Variants in NPAS3 observed in about 807,000 individuals in gnomAD.
The protein encoded by NPAS3 is neuronal PAS domain-containing protein 3.
NPAS3 carries 14 observed loss-of-function variants against 73.1 expected under a neutral mutation model. The ratio of observed to expected loss-of-function variants is 0.19; its 90% confidence interval spans 0.13 to 0.30. The LOEUF (loss-of-function observed/expected upper bound fraction) is 0.30, where lower values mean the gene tolerates loss of function less well. NPAS3 is among the 10% of genes least tolerant of loss of function. The pLI, the probability that NPAS3 is intolerant of heterozygous loss-of-function variation, is 1.00. For synonymous variants in NPAS3, 620 were observed against 541.5 expected, an observed-to-expected ratio of 1.14 and a Z score of -2.01; for missense variants, 1,096 against 1,250.0, an observed-to-expected ratio of 0.88 and a Z score of 1.86.
At chr14:33,495,944 T>C (rs552808499) in intron 4 of NPAS3, among the ~76,000 whole-genome samples, 54 of 152,120 alleles carry the variant, frequency 3.5e-4, no homozygotes, top group Non-Finnish European at 4.9e-4. Flanking sequence ...ACAAAATAGA[T>C]AGACTGCTAG....
At chr14:33,491,870 T>G (rs977992917) in intron 4 of NPAS3, among the ~76,000 whole-genome samples, 7 of 152,156 alleles carry the variant, frequency 4.6e-5, no homozygotes, top group Middle Eastern at 3.2e-3. Context: ...GTTTTAATTA[T>G]CTCTGCTGAA....
chr14:33,270,572 G>T (rs905960566), intron 3 of NPAS3, among the ~76,000 whole-genome samples: 6 of 152,112 alleles, frequency 3.9e-5, no homozygotes, highest in Admixed American at 6.6e-5. Context: ...TCAAAATTCT[G>T]CTCTAGTATT....
At chr14:33,549,764 T>G (rs2055021181) in intron 4 of NPAS3, among the ~76,000 whole-genome samples, 1 of 152,176 alleles carries the variant, frequency 6.6e-6, no homozygotes, top group Non-Finnish European at 1.5e-5. Flanking sequence ...TTTTAGTTAG[T>G]TATACTTACC....
intron 6 of NPAS3, 69 bp downstream of exon 6, chr14:33,676,454 C>A: frequency 7.3e-7 from 1 of 1,365,028 alleles, no homozygotes; most frequent in Non-Finnish European, 9.8e-7. Flanking sequence ...GCTCAAGTTA[C>A]CCATGTGAAG....
intron 4 of NPAS3, among the ~76,000 whole-genome samples, chr14:33,478,799 T>C (rs8013396): frequency 0.3 from 45,800 of 152,136 alleles, 12,254 homozygotes; most frequent in African/African-American, 0.72. Context: ...ACATTATACT[T>C]GTGTTATCTT....
At chr14:33,705,929 T>C (rs2060644441) in intron 6 of NPAS3, among the ~76,000 whole-genome samples, 1 of 152,062 alleles carries the variant, frequency 6.6e-6, no homozygotes, top group South Asian at 2.1e-4. Flanking sequence ...TAATGAAAAA[T>C]AGCAAATGAA....
At chr14:33,384,857 A>AGACACTGTACAC (rs2046709091) in intron 4 of NPAS3, among the ~76,000 whole-genome samples, 2 of 152,194 alleles carry the variant, frequency 1.3e-5, no homozygotes, top group African/African-American at 4.8e-5. Context: ...CTAGTTGATG[A>AGACACTGTACAC]AGTTTGTATC....
At chr14:33,761,902 G>C (rs1256088400) in intron 7 of NPAS3, among the ~76,000 whole-genome samples, 1 of 152,104 alleles carries the variant, frequency 6.6e-6, no homozygotes, top group Non-Finnish European at 1.5e-5. Flanking sequence ...ATATTTTAAA[G>C]ACCCAGGAAG....
Position 33,212,872 on chromosome 14 carries a change from A to C in NPAS3, c.141-2310A>C, listed in dbSNP as rs1252602237. ...GAAAATTACCTATAACATCACGCGA[A>C]ACTACTTTTATAATTGTCTGTCCAA... On this transcript the variant is annotated intron_variant, in intron 2 of 11. Transcript: ENST00000356141. 3.3e-5 allele frequency among the ~76,000 whole-genome samples: 5 copies of C among 152,228 alleles called. No individual in the cohort carries two copies. The East Asian group carries it at 9.6e-4, about 29-fold the overall frequency.
At chr14:33,512,756 T>TC (rs1179437753) in intron 4 of NPAS3, among the ~76,000 whole-genome samples, 7 of 152,182 alleles carry the variant, frequency 4.6e-5, no homozygotes, top group Non-Finnish European at 7.4e-5. Flanking sequence ...GGAATTTATT[T>TC]CTCGTAGATG....
At chr14:33,029,208 C>T (rs1273901640) in intron 1 of NPAS3, among the ~76,000 whole-genome samples, 1 of 152,198 alleles carries the variant, frequency 6.6e-6, no homozygotes, top group Non-Finnish European at 1.5e-5. Flanking sequence ...GAAAGACTGG[C>T]ATGCCAGGTG....
intron 4 of NPAS3, among the ~76,000 whole-genome samples, chr14:33,406,849 G>A (rs2047689399): frequency 6.6e-6 from 1 of 152,010 alleles, no homozygotes; most frequent in African/African-American, 2.4e-5. Flanking sequence ...GTGCTTGGAG[G>A]GCAGACCCTT....
chr14:33,195,248 A>T (rs181050980), intron 2 of NPAS3, among the ~76,000 whole-genome samples: 29 of 152,144 alleles, frequency 1.9e-4, no homozygotes, highest in South Asian at 4.2e-4. Flanking sequence ...AAAAAAATTT[A>T]AAAAAGGGTT....
chr14:33,202,907 T>G (rs1170190534), intron 2 of NPAS3, among the ~76,000 whole-genome samples: 1 of 152,218 alleles, frequency 6.6e-6, no homozygotes, highest in Non-Finnish European at 1.5e-5. Flanking sequence ...TGTTAGAACT[T>G]TTGTAGTATA....
intron 3 of NPAS3, among the ~76,000 whole-genome samples, chr14:33,218,817 G>C (rs149565113): frequency 2.6e-5 from 4 of 152,122 alleles, no homozygotes; most frequent in African/African-American, 7.2e-5. Flanking sequence ...GTCCTTTACT[G>C]TGCCCTGTGC....
intron 4 of NPAS3, among the ~76,000 whole-genome samples, chr14:33,461,276 T>C (rs1270997447): frequency 1.3e-5 from 2 of 152,226 alleles, no homozygotes; most frequent in African/African-American, 4.8e-5. Flanking sequence ...TTATTTTGAA[T>C]GCTTTTCAGG....
Position 33,593,593 on chromosome 14 carries a change from C to T in NPAS3, c.558+33383C>T, listed in dbSNP as rs111694525. 2.6e-3 allele frequency among the ~76,000 whole-genome samples: 396 copies of T among 152,322 alleles called. 1 individual carries two copies. Among genetic ancestry groups the T allele is most frequent in the African/African-American group, 9.0e-3 (375 of 41,574 alleles). ...TCCTGCAATGGGCAACAATAGGAGT[C>T]CTCACAAGTCCTCACCTTTTCTCCA... On this transcript the variant is annotated intron_variant, in intron 5 of 11. Coordinates refer to ENST00000356141, the Ensembl canonical transcript of NPAS3.
At chr14:33,699,050 A>G (rs534082615) in intron 6 of NPAS3, among the ~76,000 whole-genome samples, 1 of 152,300 alleles carries the variant, frequency 6.6e-6, no homozygotes, top group African/African-American at 2.4e-5. Context: ...CACATAGGAA[A>G]CACAGAGGTG....
chr14:33,375,021 T>C lies in NPAS3; in HGVS notation c.468+7753T>C, dbSNP rs528830364. On this transcript the variant is annotated intron_variant, in intron 4 of 11. Transcript: ENST00000356141. ...CCTTTATTTTATTGAAATGTGTAGA[T>C]ATACATAAAATGATCATCTCTAGGA... Among the ~76,000 whole-genome samples the C allele has an allele frequency of 1.1e-3, 162 of 152,316 alleles. 3 individuals are homozygous for C. In the South Asian group the frequency reaches 0.011, roughly 11 times the overall value.
Sources: gnomAD v4.1 joint callset for allele counts (sites outside exome capture counted in the v4.1 genomes callset) on GRCh38, gnomAD v4.1.1 for gene constraint, MANE v1.5 for transcripts, NCBI Gene and HGNC (gene_info 2026-07-23, HGNC 2026-07-21) for gene names.